The following CFAP54 variants were observed in gnomAD, a reference collection of about 807,000 sequenced individuals.
CFAP54 encodes the protein cilia- and flagella-associated protein 54.
Under a neutral mutation model 370.4 loss-of-function variants are expected in CFAP54, and 290 were observed. The observed-to-expected ratio is 0.78, with a 90% CI of 0.71 to 0.86. The LOEUF (loss-of-function observed/expected upper bound fraction) is 0.86. Among genes scored for constraint, CFAP54 ranks in the 40% least tolerant of loss-of-function variants. The pLI is 0.00. For synonymous variants in CFAP54, 1,206 were observed against 1,236.5 expected (o/e 0.98, Z 0.52); for missense variants, 3,399 against 3,528.7 (o/e 0.96, Z 0.93).
intron 67 of CFAP54, among the ~76,000 whole-genome samples, chr12:96,861,594 A>T (rs1592818462): frequency 1.3e-5 from 2 of 152,206 alleles, no homozygotes; most frequent in Non-Finnish European, 2.9e-5. Context: ...CAGCTTTAGA[A>T]TTGTATAGAC....
chr12:96,861,568 T>C (rs149387215), intron 67 of CFAP54, among the ~76,000 whole-genome samples: 5 of 152,372 alleles, frequency 3.3e-5, no homozygotes, highest in Admixed American at 2.6e-4. Context: ...CAATATTGCA[T>C]AGAATTTTAG....
chr12:96,767,012 C>T (rs1432953425), intron 60 of CFAP54, among the ~76,000 whole-genome samples: 1 of 152,194 alleles, frequency 6.6e-6, no homozygotes, highest in Admixed American at 6.5e-5. Flanking sequence ...GTATGATCTT[C>T]TCATGGTAGA....
chr12:96,850,679 T>C (rs1449115339), intron 66 of CFAP54, among the ~76,000 whole-genome samples: 1 of 150,954 alleles, frequency 6.6e-6, no homozygotes, highest in African/African-American at 2.4e-5. Flanking sequence ...TATCTGAAAC[T>C]GGGTAATTTG....
intron 51 of CFAP54, 140 bp downstream of exon 51, chr12:96,740,201 C>A: frequency 1.8e-6 from 1 of 568,672 alleles, no homozygotes; most frequent in East Asian, 3.1e-5. Context: ...AGATTTAGGT[C>A]CTATTAATGC....
At chr12:96,806,560 A>G (rs1418004136) in intron 63 of CFAP54, among the ~76,000 whole-genome samples, 4 of 152,066 alleles carry the variant, frequency 2.6e-5, no homozygotes, top group South Asian at 2.1e-4. Flanking sequence ...CAAGCTGTGC[A>G]TTTTAAGACA....
chr12:96,829,007 T>C lies in CFAP54; in HGVS notation c.9097-7T>C. On this transcript the variant is annotated splice_region_variant and splice_polypyrimidine_tract_variant and intron_variant, in intron 65 of 67. Transcript: ENST00000524981. ...ACCTCACTGTATTACTATCTTCTTATTTCTAGGACATGATTATTCAATGTT... is the reference window on the plus strand; with the variant it reads ...ACCTCACTGTATTACTATCTTCTTACTTCTAGGACATGATTATTCAATGTT... 3.4e-6 allele frequency: 5 copies of C among 1,465,006 alleles called. No homozygotes were observed. Among genetic ancestry groups the C allele is most frequent in the Non-Finnish European group, 4.6e-6 (5 of 1,085,952 alleles). The allele number at this position is 1,465,006 out of a possible 1,614,324, so 90.8% of individuals were successfully genotyped here. A position where few individuals can be genotyped will look rare whatever the true frequency, so the allele number is the denominator to read the frequency against.
intron 30 of CFAP54, among the ~76,000 whole-genome samples, chr12:96,627,775 T>G (rs1486939149): frequency 1.3e-5 from 2 of 152,186 alleles, no homozygotes; most frequent in African/African-American, 4.8e-5. Context: ...CTATTAAATT[T>G]TTTAAAAAAT....
chr12:96,502,732 A>G (rs1955044766), intron 2 of CFAP54, among the ~76,000 whole-genome samples: 1 of 152,186 alleles, frequency 6.6e-6, no homozygotes. Context: ...AAGGGTTGCA[A>G]GTGACTCATT....
chr12:96,857,128 G>C (rs1959726024), intron 66 of CFAP54, among the ~76,000 whole-genome samples: 2 of 152,140 alleles, frequency 1.3e-5, no homozygotes, highest in Non-Finnish European at 2.9e-5. Flanking sequence ...GAACAGCATG[G>C]AGGTAGCTGT....
chr12:96,645,147 TAACTC>T (rs1392533359), intron 33 of CFAP54: 1 of 456,550 alleles, frequency 2.2e-6, no homozygotes, highest in African/African-American at 2.0e-5. Flanking sequence ...TTTCTATCAT[TAACTC>T]AACAGACATT....
intron 26 of CFAP54, among the ~76,000 whole-genome samples, chr12:96,608,521 G>A (rs1472879096): frequency 2.1e-5 from 3 of 141,526 alleles, no homozygotes; most frequent in Non-Finnish European, 1.5e-5. Flanking sequence ...GAGTGCAGTG[G>A]CTCAATCTCA....
chr12:96,837,141 T>C (rs945361079), intron 66 of CFAP54, among the ~76,000 whole-genome samples: 3 of 152,236 alleles, frequency 2.0e-5, no homozygotes, highest in African/African-American at 4.8e-5. Context: ...ATTTTTGATA[T>C]GTTTATGATC....
intron 47 of CFAP54, among the ~76,000 whole-genome samples, chr12:96,706,328 G>A (rs2136587585): frequency 6.6e-6 from 1 of 152,282 alleles, no homozygotes; most frequent in Middle Eastern, 3.4e-3. Context: ...AATTTTAAAT[G>A]GGGTAATCAG....
chr12:96,807,920 A>G (rs1042026704), intron 63 of CFAP54, among the ~76,000 whole-genome samples: 2 of 152,132 alleles, frequency 1.3e-5, no homozygotes, highest in Non-Finnish European at 2.9e-5. Flanking sequence ...TAGGGATTAC[A>G]CATCTCCATT....
chr12:96,868,523 T>G (rs1170311571), intron 67 of CFAP54, among the ~76,000 whole-genome samples: 1 of 152,016 alleles, frequency 6.6e-6, no homozygotes, highest in Non-Finnish European at 1.5e-5. Context: ...TACATTCTCG[T>G]TTTCCTTTCC....
chr12:96,660,211 C>T (rs1393430825), intron 38 of CFAP54, among the ~76,000 whole-genome samples: 4 of 152,078 alleles, frequency 2.6e-5, no homozygotes, highest in African/African-American at 4.8e-5. Flanking sequence ...AAAAGAATGG[C>T]CCATGCCCTG....
chr12:96,564,982 A>G lies in CFAP54; in HGVS notation c.2619+217A>G, dbSNP rs186326573. 2.7e-5 allele frequency: 8 copies of G among 295,764 alleles called. No homozygotes were observed. The East Asian group carries it at 4.1e-4, about 15-fold the overall frequency. The allele number at this position is 295,764 out of a possible 1,614,324, so 18.3% of individuals were successfully genotyped here. On this transcript the variant is annotated intron_variant, in intron 19 of 67. Transcript: ENST00000524981. ...TCTCTTTTTATCAGAACTTCATGCA[A>G]TCTACATGAGAAGACAAATAAAATC... is the stretch of plus-strand genomic sequence containing the variant.
intron 44 of CFAP54, among the ~76,000 whole-genome samples, chr12:96,692,756 C>A (rs1163743202): frequency 6.6e-6 from 1 of 152,154 alleles, no homozygotes; most frequent in Admixed American, 6.6e-5. Flanking sequence ...TTACATTAAC[C>A]TTCTCCAGAA....
Position 96,623,359 on chromosome 12 carries a change from A to G in CFAP54, c.3772-408A>G, listed in dbSNP as rs552547272. Among the ~76,000 whole-genome samples, 74 of 152,270 alleles carry G rather than the reference A, an allele frequency of 4.9e-4. 1 individual carries two copies. The highest frequency in any genetic ancestry group is 2.0e-3 in the Admixed American group (31 of 15,298). On this transcript the variant is annotated intron_variant, in intron 27 of 67. Transcript: ENST00000524981. ...TAACAAAGGCAATTAGCTTAGTTGT[A>G]AAGAAGCTCCTTCTGGGAAAAAGAA...
Sources: allele counts gnomAD v4.1 joint callset (sites outside exome capture counted in the v4.1 genomes callset), GRCh38; gene constraint gnomAD v4.1.1; transcripts MANE v1.5; gene names NCBI Gene and HGNC (gene_info 2026-07-23, HGNC 2026-07-21).